Variants in CATSPERE observed in about 807,000 individuals in gnomAD.
The protein encoded by CATSPERE is cation channel sperm-associated auxiliary subunit epsilon.
CATSPERE carries 93 observed loss-of-function variants against 114.1 expected under a neutral mutation model. The ratio of observed to expected loss-of-function variants is 0.81; its 90% CI spans 0.69 to 0.97. The LOEUF (loss-of-function observed/expected upper bound fraction) is 0.97, where lower values mean the gene tolerates loss of function less well. Among genes scored for constraint, CATSPERE ranks in the 50% least tolerant of loss-of-function variants. CATSPERE has a pLI of 0.00. For synonymous variants in CATSPERE, 341 were observed against 384.1 expected (o/e 0.89, Z 1.31); for missense variants, 1,058 against 1,131.6 (o/e 0.93, Z 0.93).
chr1:244,610,354 T>G, intron 19 of CATSPERE, 28 bp downstream of exon 19: 1 of 1,502,064 alleles, frequency 6.7e-7, no homozygotes, highest in Non-Finnish European at 9.3e-7. Context: ...TTCCAGATTG[T>G]TTATTTGGAA....
chr1:244,584,659 T>C (rs986955003), intron 13 of CATSPERE, among the ~76,000 whole-genome samples: 3 of 152,110 alleles, frequency 2.0e-5, no homozygotes. Context: ...AGTAAACATA[T>C]ATGGAGCACC....
chr1:244,455,118 C>T, intron 1 of CATSPERE, among the ~76,000 whole-genome samples: 1 of 152,312 alleles, frequency 6.6e-6, no homozygotes, highest in South Asian at 2.1e-4. Context: ...ACAATAGAAA[C>T]TGCTCAATAC....
intron 7 of CATSPERE, among the ~76,000 whole-genome samples, chr1:244,500,002 A>G (rs1673773712): frequency 6.6e-6 from 1 of 152,214 alleles, no homozygotes; most frequent in Admixed American, 6.5e-5. Context: ...CCTCACCAGC[A>G]TCTGTTGTTT....
At chr1:244,520,250 C>T (rs192842920) in intron 8 of CATSPERE, among the ~76,000 whole-genome samples, 2 of 152,076 alleles carry the variant, frequency 1.3e-5, no homozygotes, top group Admixed American at 6.6e-5. Flanking sequence ...TTATAGTGTT[C>T]GCTCTTACAT....
chr1:244,625,430 A>ATTTTTTTTTTTTTTTTTTTTTTTTTTTT (rs1476267922), intron 20 of CATSPERE, among the ~76,000 whole-genome samples: 2 of 4,338 alleles, frequency 4.6e-4, no homozygotes, highest in Non-Finnish European at 1.0e-3. Context: ...ATATATATAT[A>ATTTTTTTTTTTTTTTTTTTTTTTTTTTT]TATTTTTTTT....
At chr1:244,599,774 A>G (rs1286536548) in intron 17 of CATSPERE, among the ~76,000 whole-genome samples, 1 of 152,158 alleles carries the variant, frequency 6.6e-6, no homozygotes, top group Non-Finnish European at 1.5e-5. Flanking sequence ...CCGTTCCTCA[A>G]GTAAGAGTAG....
intron 8 of CATSPERE, among the ~76,000 whole-genome samples, chr1:244,523,025 ACAACC>A: frequency 6.8e-6 from 1 of 146,730 alleles, no homozygotes; most frequent in East Asian, 1.9e-4. Context: ...GGGCAGAGAC[ACAACC>A]AAAAAAAGAG....
intron 9 of CATSPERE, among the ~76,000 whole-genome samples, chr1:244,554,781 C>T (rs1237845949): frequency 1.3e-5 from 2 of 151,870 alleles, no homozygotes; most frequent in Non-Finnish European, 2.9e-5. Context: ...ACTCATTCTA[C>T]AAGACCACCC....
At chr1:244,518,994 C>T (rs537495433) in intron 8 of CATSPERE, among the ~76,000 whole-genome samples, 58 of 152,062 alleles carry the variant, frequency 3.8e-4, no homozygotes, top group African/African-American at 1.4e-3. Flanking sequence ...AAAAGTCAAC[C>T]ACGGTGGTGT....
At chr1:244,609,995 T>C (rs959075727) in intron 18 of CATSPERE, among the ~76,000 whole-genome samples, 4 of 152,154 alleles carry the variant, frequency 2.6e-5, no homozygotes, top group African/African-American at 9.7e-5. Flanking sequence ...TGCAGTGAGC[T>C]ATGATCTTCC....
At chr1:244,480,962 G>A (rs945615557) in intron 5 of CATSPERE, among the ~76,000 whole-genome samples, 3 of 152,182 alleles carry the variant, frequency 2.0e-5, no homozygotes, top group African/African-American at 4.8e-5. Context: ...AATGGACAAG[G>A]GCAAATTTGG....
intron 7 of CATSPERE, among the ~76,000 whole-genome samples, chr1:244,511,445 C>T (rs3003297): frequency 0.17 from 25,356 of 151,920 alleles, 2,312 homozygotes; most frequent in African/African-American, 0.23. Context: ...ATGGAAAATT[C>T]AATTCATTTA....
rs193045482 is a variant in CATSPERE at position 244,470,719 on chromosome 1, C to A, written c.114+6763C>A. On this transcript the variant is annotated intron_variant, in intron 2 of 21. Coordinates refer to ENST00000366534, the MANE Select transcript of CATSPERE (RefSeq NM_001130957.2). ...ACACAAAAACTAGTACATGAATGTT[C>A]ACAGAAGCATTATTCATAATAGCCC... Among the ~76,000 whole-genome samples, 747 of 152,238 alleles carry A rather than the reference C, an allele frequency of 4.9e-3. 8 individuals are homozygous for A. Among genetic ancestry groups the A allele is most frequent in the African/African-American group, 0.017 (715 of 41,542 alleles).
chr1:244,576,230 A>G (rs1665239169), intron 11 of CATSPERE, among the ~76,000 whole-genome samples: 2 of 151,812 alleles, frequency 1.3e-5, no homozygotes, highest in African/African-American at 2.4e-5. Context: ...GTGGGTCTCA[A>G]TTCCTTACCC....
chr1:244,625,208 A>G (rs762888815), intron 20 of CATSPERE, among the ~76,000 whole-genome samples: 14 of 151,326 alleles, frequency 9.3e-5, no homozygotes, highest in Non-Finnish European at 1.9e-4. Flanking sequence ...TTGGAAGTCA[A>G]ACTTACTCAT....
chr1:244,572,345 T>G lies in CATSPERE; in HGVS notation c.1523T>G (p.Ile508Ser). 2.8e-6 allele frequency: 4 copies of G among 1,435,294 alleles called. No individual in the cohort carries two copies. In the South Asian group the frequency reaches 4.9e-5, roughly 18 times the overall value. 88.9% of individuals were successfully genotyped at this position (1,435,294 alleles called of 1,614,324 possible). Reference sequence around the variant, plus strand: ...TTTTTTCCAGATTATTATGGAGATATTTTGGTAAAAATGGAAAATAATGTA... The same window carrying G: ...TTTTTTCCAGATTATTATGGAGATAGTTTGGTAAAAATGGAAAATAATGTA... ...HEVFIDYYGD[I>S]LVKMENNVIF... Residue 508 changes from isoleucine (I) to serine (S), a missense_variant, in exon 11 of 22, where the codon ATT becomes AGT. By Grantham distance (142) the Ile-to-Ser change is moderately radical. This residue lies in a region of CATSPERE where 787 missense variants were observed against 905.6 expected (regional missense o/e 0.87). Transcript: ENST00000366534.
At chr1:244,476,061 A>C (rs532728475) in intron 2 of CATSPERE, among the ~76,000 whole-genome samples, 36 of 152,200 alleles carry the variant, frequency 2.4e-4, no homozygotes, top group African/African-American at 8.4e-4. Flanking sequence ...ACTCTTCAAG[A>C]TTGGTTACAA....
chr1:244,492,832 A>C (rs1479738321), intron 6 of CATSPERE, among the ~76,000 whole-genome samples: 2 of 147,434 alleles, frequency 1.4e-5, no homozygotes, highest in African/African-American at 5.0e-5. Context: ...TCATGAGTGA[A>C]CTCCCATTCA....
At chr1:244,566,679 T>TTA (rs1663593969) in intron 10 of CATSPERE, among the ~76,000 whole-genome samples, 2 of 120,980 alleles carry the variant, frequency 1.7e-5, no homozygotes, top group East Asian at 2.2e-4. Flanking sequence ...TTTTTTTTTT[T>TTA]TTTTTTTTGC....
Sources: allele counts gnomAD v4.1 joint callset (sites outside exome capture counted in the v4.1 genomes callset), GRCh38; gene constraint gnomAD v4.1.1; regional missense constraint gnomAD v4.1.1; transcripts MANE v1.5; gene names NCBI Gene and HGNC (gene_info 2026-07-23, HGNC 2026-07-21).